Variants in CSMD1 observed in about 807,000 individuals in gnomAD.
The protein encoded by CSMD1 is CUB and Sushi multiple domains 1.
In CSMD1, 213 loss-of-function variants were observed where a neutral mutation model predicts 417.5. That is an observed-to-expected ratio of 0.51 (90% CI 0.46 to 0.57). CSMD1 has a LOEUF of 0.57. CSMD1 is among the 20% of genes least tolerant of loss of function. The pLI, the probability that CSMD1 is intolerant of heterozygous loss-of-function variation, is 0.00. For missense variants in CSMD1, 6,923 were observed against 4,529.7 expected (o/e 1.53, Z -15.17); for synonymous variants, 2,862 against 1,736.8 (o/e 1.65, Z -16.11).
At chr8:3,900,278 A>T (rs1807647942) in intron 5 of CSMD1, among the ~76,000 whole-genome samples, 3 of 149,046 alleles carry the variant, frequency 2.0e-5, no homozygotes, top group Non-Finnish European at 3.0e-5. Flanking sequence ...CAGCTGCGTG[A>T]CAGTGCAGCT....
At chr8:3,343,723 A>G (rs1807808322) in intron 22 of CSMD1, among the ~76,000 whole-genome samples, 1 of 152,192 alleles carries the variant, frequency 6.6e-6, no homozygotes, top group South Asian at 2.1e-4. Flanking sequence ...GTTCATTTAA[A>G]ATTAAATAAA....
intron 5 of CSMD1, among the ~76,000 whole-genome samples, chr8:3,984,533 A>G (rs1419116519): frequency 6.6e-6 from 1 of 151,600 alleles, no homozygotes; most frequent in East Asian, 1.9e-4. Flanking sequence ...CACTATTTTG[A>G]TTTTTCGTCT....
At chr8:2,971,304 C>T (rs1804436384) in intron 57 of CSMD1, among the ~76,000 whole-genome samples, 1 of 152,152 alleles carries the variant, frequency 6.6e-6, no homozygotes, top group African/African-American at 2.4e-5. Flanking sequence ...CTCTCTTTTG[C>T]TCAGTGTAGG....
At chr8:3,980,440 C>G (rs1421645161) in intron 5 of CSMD1, among the ~76,000 whole-genome samples, 2 of 152,176 alleles carry the variant, frequency 1.3e-5, no homozygotes. Flanking sequence ...GAAATCTTCA[C>G]ATCTTACACG....
intron 3 of CSMD1, among the ~76,000 whole-genome samples, chr8:4,345,424 T>A (rs1333721452): frequency 1.3e-5 from 2 of 151,978 alleles, no homozygotes; most frequent in East Asian, 3.9e-4. Context: ...TGTATAGTGA[T>A]CAAATCAGGA....
At chr8:3,567,525 A>G (rs1188548820) in intron 10 of CSMD1, among the ~76,000 whole-genome samples, 2 of 123,038 alleles carry the variant, frequency 1.6e-5, no homozygotes, top group Admixed American at 1.8e-4. Flanking sequence ...GGGGAAGGGG[A>G]TGGGGGAGGG....
intron 5 of CSMD1, among the ~76,000 whole-genome samples, chr8:3,879,330 A>G: frequency 7.1e-6 from 1 of 140,462 alleles, no homozygotes; most frequent in Non-Finnish European, 1.5e-5. Flanking sequence ...CTAAATCATT[A>G]CAAGATTATT....
intron 5 of CSMD1, among the ~76,000 whole-genome samples, chr8:3,909,415 G>A (rs1279925485): frequency 6.6e-6 from 1 of 152,160 alleles, no homozygotes; most frequent in Non-Finnish European, 1.5e-5. Context: ...GCTCAAGGGT[G>A]CCGAGGGCAG....
At chr8:4,085,516 T>G (rs1308690794) in intron 3 of CSMD1, among the ~76,000 whole-genome samples, 3 of 152,178 alleles carry the variant, frequency 2.0e-5, no homozygotes, top group Admixed American at 2.0e-4. Context: ...TAATATAAAT[T>G]TTATCCTATC....
chr8:4,476,529 T>C (rs1357906464), intron 2 of CSMD1, among the ~76,000 whole-genome samples: 3 of 152,232 alleles, frequency 2.0e-5, no homozygotes, highest in African/African-American at 7.2e-5. Context: ...AGTTCTAAAA[T>C]ATGTATTTAT....
At chr8:3,422,684 T>C (rs941564144) in intron 12 of CSMD1, among the ~76,000 whole-genome samples, 1 of 152,192 alleles carries the variant, frequency 6.6e-6, no homozygotes, top group Non-Finnish European at 1.5e-5. Flanking sequence ...CTGATGCCAG[T>C]GATTTTATGT....
chr8:4,157,567 G>A lies in CSMD1; in HGVS notation c.416-125468C>T, dbSNP rs536774054. Among the ~76,000 whole-genome samples the A allele has an allele frequency of 5.3e-5, 8 of 152,094 alleles. No individual in the cohort carries two copies. The East Asian group carries it at 1.2e-3, about 22-fold the overall frequency. ...TCAATGACTGTGTTGTCATTCCCCC[G>A]TATTGCTAAGACCCTCTGCCGGTCA... On this transcript the variant is annotated intron_variant, in intron 3 of 69. Coordinates refer to ENST00000635120, the MANE Select transcript of CSMD1 (RefSeq NM_033225.6).
intron 2 of CSMD1, among the ~76,000 whole-genome samples, chr8:4,456,017 C>G (rs979168083): frequency 8.1e-5 from 9 of 110,862 alleles, no homozygotes; most frequent in African/African-American, 3.1e-4. Flanking sequence ...CTCCTTAACA[C>G]AGTCCATTCT....
chr8:3,781,222 T>A (rs998335428), intron 5 of CSMD1, among the ~76,000 whole-genome samples: 2 of 152,058 alleles, frequency 1.3e-5, no homozygotes, highest in Non-Finnish European at 2.9e-5. Context: ...ATTTAAAAAA[T>A]TGCACCTGTT....
chr8:3,547,633 A>G (rs1585342696), intron 10 of CSMD1, among the ~76,000 whole-genome samples: 1 of 152,278 alleles, frequency 6.6e-6, no homozygotes, highest in Admixed American at 6.5e-5. Flanking sequence ...TATTGTTAAT[A>G]AAGTGGGTTT....
chr8:3,099,026 C>G (rs1356399724), intron 46 of CSMD1, among the ~76,000 whole-genome samples: 2 of 151,806 alleles, frequency 1.3e-5, no homozygotes, highest in African/African-American at 2.4e-5. Context: ...TGCCGACACT[C>G]CCCCCAAACC....
At chr8:4,623,741 G>GTA (rs1486186062) in intron 2 of CSMD1, among the ~76,000 whole-genome samples, 6 of 151,944 alleles carry the variant, frequency 3.9e-5, no homozygotes, top group Middle Eastern at 3.4e-3. Flanking sequence ...ATGTGTGTGT[G>GTA]TATATATATA....
chr8:3,837,254 T>C (rs557659854), intron 5 of CSMD1, among the ~76,000 whole-genome samples: 1 of 152,298 alleles, frequency 6.6e-6, no homozygotes, highest in South Asian at 2.1e-4. Flanking sequence ...TATTCAACCC[T>C]TTGTAATATC....
At chr8:4,613,247 T>A (rs1801283168) in intron 2 of CSMD1, among the ~76,000 whole-genome samples, 1 of 152,190 alleles carries the variant, frequency 6.6e-6, no homozygotes, top group African/African-American at 2.4e-5. Context: ...GTTGTTTGTA[T>A]TTAAATGACA....
Sources: gnomAD v4.1 joint callset for allele counts (sites outside exome capture counted in the v4.1 genomes callset) on GRCh38, gnomAD v4.1.1 for gene constraint, MANE v1.5 for transcripts, NCBI Gene and HGNC (gene_info 2026-07-23, HGNC 2026-07-21) for gene names.